Variants in GTF2F1 observed in about 807,000 individuals in gnomAD.
The protein encoded by GTF2F1 is general transcription factor IIF 74 kDa subunit.
GTF2F1 carries 39 observed loss-of-function variants against 63.5 expected under a neutral mutation model. That is an observed-to-expected ratio of 0.61 (90% CI 0.48 to 0.80). GTF2F1 has a LOEUF of 0.80. Among genes scored for constraint, GTF2F1 ranks in the 30% least tolerant of loss-of-function variants. The pLI is 0.00. For synonymous variants in GTF2F1, 287 were observed against 285.3 expected, an observed-to-expected ratio of 1.01 and a Z score of -0.06; for missense variants, 657 against 718.3, an observed-to-expected ratio of 0.91 and a Z score of 0.97.
At chr19:6,390,659 C>CCT (rs2091993342) in intron 3 of GTF2F1, among the ~76,000 whole-genome samples, 1 of 151,032 alleles carries the variant, frequency 6.6e-6, no homozygotes, top group Non-Finnish European at 1.5e-5. Context: ...GCGGGTGGAT[C>CCT]ACTTGAGGTC....
chr19:6,388,602 A>T (rs2091983111), intron 4 of GTF2F1, among the ~76,000 whole-genome samples: 2 of 152,220 alleles, frequency 1.3e-5, no homozygotes, highest in African/African-American at 2.4e-5. Context: ...TGTGGCACTC[A>T]GAGCTGCCTC....
At position 6,383,521 on chromosome 19, in the gene GTF2F1, A is replaced by C. The variant is rs766865456; in HGVS notation, c.498-26T>G. The C allele has an allele frequency of 6.2e-7, 1 of 1,606,294 alleles. No individual in the cohort carries two copies. The highest frequency in any genetic ancestry group is 1.7e-5 in the Admixed American group (1 of 59,956). On this transcript the variant is annotated intron_variant, in intron 5 of 12. Coordinates refer to ENST00000394456, the MANE Select transcript of GTF2F1 (RefSeq NM_002096.3). The surrounding 1 kb of genome is among the most constrained non-coding windows in gnomAD (Gnocchi z 4.5). ...CTGCGGGCCAGGCACAGGGGGGCTC[A>C]TGCCGGGCCTGGCACCACCCTGCAT...
intron 5 of GTF2F1, 95 bp downstream of exon 5, chr19:6,387,294 G>A: frequency 1.6e-6 from 2 of 1,250,344 alleles, no homozygotes; most frequent in Admixed American, 1.8e-5. Context: ...TTACCCCTGA[G>A]TCCCCAGCTC....
rs780544007 is a variant in GTF2F1 at position 6,389,463 on chromosome 19, T to C, written c.307A>G (p.Asn103Asp). 1 of 1,613,926 alleles carries C rather than the reference T, an allele frequency of 6.2e-7. No individual in the cohort carries two copies. Among genetic ancestry groups the C allele is most frequent in the Non-Finnish European group, 8.5e-7 (1 of 1,179,876 alleles). ...PEDQPWLLRV[N>D]GKSGRKFKGI... ...ACTTACTTCCTGCCTGATTTGCCGT[T>C]GACCCGGAGCAGCCAGGGCTGGTCC... The change falls in exon 4 of 13, where the codon AAC becomes GAC. Residue 103 changes from asparagine to aspartate, a missense_variant. Transcript: ENST00000394456.
Position 6,383,391 on chromosome 19 carries a change from T to G in GTF2F1, c.602A>C (p.Lys201Thr). 6.2e-7 allele frequency: 1 copy of G among 1,614,236 alleles called. No individual in the cohort carries two copies. Among genetic ancestry groups the G allele is most frequent in the Non-Finnish European group, 8.5e-7 (1 of 1,180,036 alleles). Residue 201 changes from lysine to threonine, a missense_variant, in exon 6 of 13, where the codon AAG (lysine) becomes ACG (threonine). Physicochemically the swap from Lys to Thr is moderately conservative, Grantham distance 78 (BLOSUM62 -1). This residue lies in a region of GTF2F1 where 602 missense variants were observed against 625.6 expected (regional missense o/e 0.96). Transcript: ENST00000394456. This position sits in a 1 kb window ranked among gnomAD's most constrained non-coding sequence, Gnocchi z 4.5. ...EEEKEKRGRRKASELRIHDLE... is the reference protein window; with the variant it reads ...EEEKEKRGRRTASELRIHDLE... ...GTCGTGGATGCGCAGCTCGCTCGCC[T>G]TCCTGCGGCCACGTTTCTCCTTCTC...
rs2091987732 is a variant in GTF2F1 at position 6,389,483 on chromosome 19, T to C, written c.287A>G (p.Gln96Arg). ...IVLKEFRPED[Q>R]PWLLRVNGKS... Reference sequence around the variant, plus strand: ...GCCGTTGACCCGGAGCAGCCAGGGCTGGTCCTCGGGCCGGAACTCCTTGAG... The same window carrying C: ...GCCGTTGACCCGGAGCAGCCAGGGCCGGTCCTCGGGCCGGAACTCCTTGAG... Residue 96 changes from glutamine to arginine, a missense_variant, in exon 4 of 13, where the codon CAG (glutamine) becomes CGG (arginine). Gln to Arg is a conservative substitution (Grantham distance 43, BLOSUM62 1). Around this residue, in one of 2 missense-constraint regions of GTF2F1, gnomAD observed 602 missense variants for 625.6 expected, o/e 0.96. Coordinates refer to ENST00000394456, the MANE Select transcript of GTF2F1 (RefSeq NM_002096.3). 1 of 1,614,204 alleles carries C rather than the reference T, an allele frequency of 6.2e-7. No individual in the cohort carries two copies. The highest frequency in any genetic ancestry group is 1.3e-5 in the African/African-American group (1 of 75,084).
intron 5 of GTF2F1, 89 bp downstream of exon 5, chr19:6,387,300 A>G: frequency 7.6e-7 from 1 of 1,314,942 alleles, no homozygotes; most frequent in Admixed American, 1.8e-5. Flanking sequence ...CTGAGTCCCC[A>G]GCTCCCAGCA....
At chr19:6,385,316 C>T (rs1026508092) in intron 5 of GTF2F1, among the ~76,000 whole-genome samples, 1 of 146,498 alleles carries the variant, frequency 6.8e-6, no homozygotes, top group African/African-American at 2.5e-5. Context: ...CGCTTAAACC[C>T]AGGAGGTCGA....
rs1284416068 is a variant in GTF2F1 at position 6,383,426 on chromosome 19, C to T, written c.567G>A (p.Glu189=). Reference sequence around the variant, plus strand: ...CACGTTTCTCCTTCTCCTCCTCATCCTCGTCCTGGTCCTGATCCTTGAGCC... The same window carrying T: ...CACGTTTCTCCTTCTCCTCCTCATCTTCGTCCTGGTCCTGATCCTTGAGCC... ...QRRLKDQDQD[E]DEEEKEKRGR... Residue 189 remains glutamate, a synonymous_variant, in exon 6 of 13, where the codon GAG becomes GAA. Coordinates refer to ENST00000394456, the MANE Select transcript of GTF2F1 (RefSeq NM_002096.3). This position sits in a 1 kb window ranked among gnomAD's most constrained non-coding sequence, Gnocchi z 4.5. 10 of 1,614,222 alleles carry T rather than the reference C, an allele frequency of 6.2e-6. No homozygotes were observed. The highest frequency in any genetic ancestry group is 1.7e-5 in the Admixed American group (1 of 60,028).
chr19:6,381,966 G>A lies in GTF2F1; in HGVS notation c.683-116C>T, dbSNP rs2091954084. 4.7e-6 allele frequency: 4 copies of A among 843,104 alleles called. No homozygotes were observed. The highest frequency in any genetic ancestry group is 1.7e-5 in the South Asian group (1 of 59,402). 52.2% of individuals were successfully genotyped at this position (843,104 alleles called of 1,614,324 possible). A position where few individuals can be genotyped will look rare whatever the true frequency, so the allele number is the denominator to read the frequency against. On this transcript the variant is annotated intron_variant, in intron 6 of 12. Coordinates refer to ENST00000394456, the MANE Select transcript of GTF2F1 (RefSeq NM_002096.3). This position sits in a 1 kb window ranked among gnomAD's most constrained non-coding sequence, Gnocchi z 4.1. ...CATCCTGGGGGGCCTCACTGACTGG[G>A]GAGACTACACCTCCAGGGCCAGCCC... is the stretch of plus-strand genomic sequence containing the variant.
In GTF2F1 at chr19:6,383,538, A is replaced by C. The variant is rs752777593; in HGVS notation, c.498-43T>G. ...GGGGGCTCATGCCGGGCCTGGCACC[A>C]CCCTGCATCTGTGCTTGCAGGGGGC... is the stretch of plus-strand genomic sequence containing the variant. On this transcript the variant is annotated intron_variant, in intron 5 of 12. Transcript: ENST00000394456. The surrounding 1 kb of genome is among the most constrained non-coding windows in gnomAD (Gnocchi z 4.5). The C allele has an allele frequency of 1.3e-6, 2 of 1,593,306 alleles. No homozygotes were observed. Among genetic ancestry groups the C allele is most frequent in the East Asian group, 2.2e-5 (1 of 44,498 alleles).
In GTF2F1 at chr19:6,380,537, C is replaced by T; in HGVS notation, c.1349+36G>A. ...GCATCAGTGAGATTGTCCCCAGTAGCCCTTGCCCTGCCCCCTGCTGTCCTC... is the reference window on the plus strand; with the variant it reads ...GCATCAGTGAGATTGTCCCCAGTAGTCCTTGCCCTGCCCCCTGCTGTCCTC... On this transcript the variant is annotated intron_variant, in intron 12 of 12. Coordinates refer to ENST00000394456, the MANE Select transcript of GTF2F1 (RefSeq NM_002096.3). This position sits in a 1 kb window ranked among gnomAD's most constrained non-coding sequence, Gnocchi z 5.3. 2 of 1,611,840 alleles carry T rather than the reference C, an allele frequency of 1.2e-6. No homozygotes were observed. Among genetic ancestry groups the T allele is most frequent in the African/African-American group, 1.3e-5 (1 of 74,980 alleles).
rs1599209924 is a variant in GTF2F1 at position 6,381,850 on chromosome 19, C to T, written c.683G>A (p.Gly228Glu). Residue 228 changes from glycine to glutamate, a missense_variant and splice_region_variant, in exon 7 of 13, where the codon GGG becomes GAG. Gly to Glu is a moderately conservative substitution (Grantham distance 98). Coordinates refer to ENST00000394456, the MANE Select transcript of GTF2F1 (RefSeq NM_002096.3). This position sits in a 1 kb window ranked among gnomAD's most constrained non-coding sequence, Gnocchi z 4.1. Reference protein sequence around the residue: ...SDASDASGEEGGRVPKAKKKA... With the variant: ...SDASDASGEEEGRVPKAKKKA... Reference sequence around the variant, plus strand: ...CTTCTTGGCCTTGGGGACTCTGCCCCCTGGGAAGGGAGGAAAGGAAGGAAA... The same window carrying T: ...CTTCTTGGCCTTGGGGACTCTGCCCTCTGGGAAGGGAGGAAAGGAAGGAAA... The T allele has an allele frequency of 6.2e-7, 1 of 1,610,964 alleles. No individual in the cohort carries two copies. The highest frequency in any genetic ancestry group is 2.2e-5 in the East Asian group (1 of 44,858).
intron 2 of GTF2F1, 68 bp from the exon 3 acceptor site, chr19:6,392,042 T>C (rs2092000926): frequency 2.1e-5 from 17 of 810,662 alleles, no homozygotes; most frequent in Non-Finnish European, 3.6e-5. Context: ...AATCAGTCAA[T>C]GCTATTGAAC....
At chr19:6,385,322 G>A (rs2091969874) in intron 5 of GTF2F1, among the ~76,000 whole-genome samples, 3 of 147,636 alleles carry the variant, frequency 2.0e-5, no homozygotes, top group African/African-American at 7.6e-5. Flanking sequence ...AACCCAGGAG[G>A]TCGAGGTTGC....
intron 6 of GTF2F1, among the ~76,000 whole-genome samples, chr19:6,382,938 G>T (rs963779445): frequency 1.4e-4 from 21 of 151,930 alleles, no homozygotes; most frequent in African/African-American, 4.6e-4. Context: ...GTCTCTCTCT[G>T]TTGCCCAGGC....
In GTF2F1 at chr19:6,381,770, C is replaced by T. The variant is rs201017853; in HGVS notation, c.763G>A (p.Asp255Asn). Residue 255 changes from aspartate to asparagine, a missense_variant, in exon 7 of 13, where the codon GAC becomes AAC. Around this residue, in one of 2 missense-constraint regions of GTF2F1, gnomAD observed 602 missense variants for 625.6 expected, o/e 0.96. Coordinates refer to ENST00000394456, the MANE Select transcript of GTF2F1 (RefSeq NM_002096.3). The surrounding 1 kb of genome is among the most constrained non-coding windows in gnomAD (Gnocchi z 4.1). ...TCATCGCTGTCCTCGAAGGCCTCGT[C>T]GTCTGAACCCTTCTTCTTCTTCTTT... is the stretch of plus-strand genomic sequence containing the variant. ...RKKKKKKGSD[D>N]EAFEDSDDGD... is the part of the protein sequence containing the mutation. 2.5e-5 allele frequency: 41 copies of T among 1,614,138 alleles called. No individual in the cohort carries two copies. In the Middle Eastern group the frequency reaches 6.6e-4, roughly 26 times the overall value.
Position 6,389,549 on chromosome 19 carries a change from T to C in GTF2F1, c.221A>G (p.Lys74Arg), listed in dbSNP as rs752024597. ...ESGAGSEFNR[K>R]LREEARRKKY... ...CTTCCTCCGAGCCTCCTCCCGAAGCTTGCGGTTGAACTCACTGCCCGCGCC... is the reference window on the plus strand; with the variant it reads ...CTTCCTCCGAGCCTCCTCCCGAAGCCTGCGGTTGAACTCACTGCCCGCGCC... Residue 74 changes from lysine to arginine, a missense_variant, in exon 4 of 13, where the codon AAG (lysine) becomes AGG (arginine). Lys to Arg is a conservative substitution (Grantham distance 26). Around this residue, in one of 2 missense-constraint regions of GTF2F1, gnomAD observed 602 missense variants for 625.6 expected, o/e 0.96. Coordinates refer to ENST00000394456, the MANE Select transcript of GTF2F1 (RefSeq NM_002096.3). 3.7e-6 allele frequency: 6 copies of C among 1,614,136 alleles called. No individual in the cohort carries two copies. The East Asian group carries it at 6.7e-5, about 18-fold the overall frequency.
Position 6,389,464 on chromosome 19 carries a change from G to A in GTF2F1, c.306C>T (p.Val102=). The part of the protein sequence containing the change: ...RPEDQPWLLR[V]NGKSGRKFKG... ...CTTACTTCCTGCCTGATTTGCCGTTGACCCGGAGCAGCCAGGGCTGGTCCT... is the reference window on the plus strand; with the variant it reads ...CTTACTTCCTGCCTGATTTGCCGTTAACCCGGAGCAGCCAGGGCTGGTCCT... The change falls in exon 4 of 13, where the codon GTC becomes GTT. Residue 102 remains valine, a synonymous_variant. Coordinates refer to ENST00000394456, the MANE Select transcript of GTF2F1 (RefSeq NM_002096.3). 1 of 1,613,882 alleles carries A rather than the reference G, an allele frequency of 6.2e-7. No homozygotes were observed. The highest frequency in any genetic ancestry group is 2.2e-5 in the East Asian group (1 of 44,864).
Sources: allele counts gnomAD v4.1 joint callset (sites outside exome capture counted in the v4.1 genomes callset), GRCh38; gene constraint gnomAD v4.1.1; regional missense constraint gnomAD v4.1.1; non-coding constraint Gnocchi (gnomAD v3.1); transcripts MANE v1.5; gene names NCBI Gene and HGNC (gene_info 2026-07-23, HGNC 2026-07-21).